The following FUT8 variants were observed in gnomAD, a reference collection of about 807,000 sequenced individuals.
The protein encoded by FUT8 is alpha-(1,6)-fucosyltransferase.
FUT8 carries 29 observed loss-of-function variants against 71.3 expected under a neutral mutation model. The observed-to-expected ratio is 0.41, with a 90% CI of 0.30 to 0.55. FUT8 has a LOEUF of 0.55. Among genes scored for constraint, FUT8 ranks in the 20% least tolerant of loss-of-function variants. The pLI is 0.34. For missense variants in FUT8, 544 were observed against 702.1 expected (o/e 0.77, Z 2.55); for synonymous variants, 254 against 239.3 (o/e 1.06, Z -0.57).
intron 7 of FUT8, among the ~76,000 whole-genome samples, chr14:65,713,105 G>T (rs1368215921): frequency 6.6e-6 from 1 of 152,062 alleles, no homozygotes; most frequent in Non-Finnish European, 1.5e-5. Flanking sequence ...CTATCTCCAA[G>T]ATTTCAATTG....
intron 2 of FUT8, among the ~76,000 whole-genome samples, chr14:65,501,045 C>T (rs188544644): frequency 2.6e-5 from 4 of 152,094 alleles, no homozygotes; most frequent in African/African-American, 7.2e-5. Context: ...TTGGGAAGAC[C>T]GTTTTCCAAA....
At position 65,689,039 on chromosome 14, in the gene FUT8, G is replaced by A. The variant is rs529067915; in HGVS notation, c.835+19559G>A. 2.6e-5 allele frequency among the ~76,000 whole-genome samples: 4 copies of A among 152,258 alleles called. No individual in the cohort carries two copies. In the East Asian group the frequency reaches 7.7e-4, roughly 29 times the overall value. On this transcript the variant is annotated intron_variant, in intron 7 of 10. Coordinates refer to ENST00000673929, the MANE Select transcript of FUT8 (RefSeq NM_001371533.1). ...CCTCATACCATCACACTGGAAGTTA[G>A]GACTTCAACATATGAATTTGAGGGG... is the stretch of plus-strand genomic sequence containing the variant.
At chr14:65,737,617 G>T (rs1437217970) in intron 10 of FUT8, among the ~76,000 whole-genome samples, 2 of 152,044 alleles carry the variant, frequency 1.3e-5, no homozygotes, top group African/African-American at 4.8e-5. Context: ...TTGCTTATCA[G>T]GTTCTGGGAT....
intron 2 of FUT8, among the ~76,000 whole-genome samples, chr14:65,540,630 G>T (rs1430700410): frequency 6.6e-6 from 1 of 152,156 alleles, no homozygotes; most frequent in Non-Finnish European, 1.5e-5. Flanking sequence ...TCTCAATATT[G>T]CTTAAGCTAT....
chr14:65,716,741 G>A (rs1030242775), intron 7 of FUT8, among the ~76,000 whole-genome samples: 1 of 152,112 alleles, frequency 6.6e-6, no homozygotes, highest in Non-Finnish European at 1.5e-5. Context: ...GATGGTCGCT[G>A]TCTCTTTGGA....
In FUT8 at chr14:65,665,660, T is replaced by C. The variant is rs1892178223; in HGVS notation, c.598-3583T>C. ...ATGTTCATTGCAGCACTATTCACGG[T>C]AGCAAAGACATGGAATCAACCTAAA... is the stretch of plus-strand genomic sequence containing the variant. On this transcript the variant is annotated intron_variant, in intron 6 of 10. Coordinates refer to ENST00000673929, the MANE Select transcript of FUT8 (RefSeq NM_001371533.1). Among the ~76,000 whole-genome samples, 4 of 152,120 alleles carry C rather than the reference T, an allele frequency of 2.6e-5. No individual in the cohort carries two copies. The South Asian group carries it at 8.3e-4, about 31-fold the overall frequency.
At chr14:65,422,520 T>C (rs1327029459) in intron 1 of FUT8, among the ~76,000 whole-genome samples, 1 of 151,926 alleles carries the variant, frequency 6.6e-6, no homozygotes, top group African/African-American at 2.4e-5. Flanking sequence ...TTTTAAGAGA[T>C]AGGGTCTTGC....
the FUT8 span, among the ~76,000 whole-genome samples, chr14:65,396,400 G>A: frequency 1.3e-5 from 2 of 152,216 alleles, no homozygotes; most frequent in Non-Finnish European, 2.9e-5. The surrounding 1 kb of genome is among the most constrained non-coding windows in gnomAD (Gnocchi z 5.5). Context: ...GGCTGGGGAG[G>A]CCTCACAATC....
upstream of FUT8, chr14:65,410,546 A>G (rs967313040): frequency 6.6e-6 from 1 of 151,196 alleles, no homozygotes; most frequent in Non-Finnish European, 1.5e-5. Context: ...CAAATGCACC[A>G]AATCCTGGGC....
intron 1 of FUT8, among the ~76,000 whole-genome samples, chr14:65,422,503 C>CT (rs898962182): frequency 1.6e-3 from 234 of 148,246 alleles, no homozygotes; most frequent in African/African-American, 5.1e-3. Context: ...CTCCATATTT[C>CT]TTTTTTTTTT....
At chr14:65,689,477 T>C (rs1004601357) in intron 7 of FUT8, among the ~76,000 whole-genome samples, 4 of 152,220 alleles carry the variant, frequency 2.6e-5, no homozygotes, top group African/African-American at 9.6e-5. Flanking sequence ...TTCTTTCATC[T>C]GTGGGTTTTC....
intron 2 of FUT8, among the ~76,000 whole-genome samples, chr14:65,456,286 T>C (rs994141775): frequency 3.3e-5 from 5 of 152,234 alleles, no homozygotes; most frequent in Non-Finnish European, 5.9e-5. Context: ...ATCTGCTTTC[T>C]ATCCCTGTAA....
At chr14:65,544,951 CTCT>C (rs1258717238) in intron 2 of FUT8, among the ~76,000 whole-genome samples, 3 of 151,446 alleles carry the variant, frequency 2.0e-5, no homozygotes, top group African/African-American at 2.4e-5. Context: ...CTGTCTTACC[CTCT>C]TCTTCTCTCT....
At chr14:65,513,873 T>A (rs560177725) in intron 2 of FUT8, among the ~76,000 whole-genome samples, 1 of 152,340 alleles carries the variant, frequency 6.6e-6, no homozygotes, top group South Asian at 2.1e-4. Context: ...TCATGTAATA[T>A]GAATTGTTTG....
chr14:65,559,277 C>T (rs970513895), intron 2 of FUT8, among the ~76,000 whole-genome samples: 2 of 152,022 alleles, frequency 1.3e-5, no homozygotes, highest in African/African-American at 4.8e-5. Context: ...ATATAGTTTA[C>T]CCTCTGTAGC....
chr14:65,654,838 A>G (rs1891588098), intron 6 of FUT8, among the ~76,000 whole-genome samples: 1 of 152,038 alleles, frequency 6.6e-6, no homozygotes, highest in African/African-American at 2.4e-5. Flanking sequence ...AATGATCTAA[A>G]CATACCAGTT....
At chr14:65,514,988 T>C (rs1463679233) in intron 2 of FUT8, among the ~76,000 whole-genome samples, 1 of 152,212 alleles carries the variant, frequency 6.6e-6, no homozygotes, top group Non-Finnish European at 1.5e-5. Flanking sequence ...ATTAGTAATA[T>C]TTGGATTTCA....
At chr14:65,711,230 C>T (rs1223656450) in intron 7 of FUT8, among the ~76,000 whole-genome samples, 1 of 152,172 alleles carries the variant, frequency 6.6e-6, no homozygotes, top group East Asian at 1.9e-4. Flanking sequence ...ACTGAGTTCT[C>T]TGTCTTAAAT....
chr14:65,382,406 G>A, the FUT8 span, among the ~76,000 whole-genome samples: 3 of 152,176 alleles, frequency 2.0e-5, no homozygotes, highest in East Asian at 1.9e-4. Flanking sequence ...GCGTGATCTC[G>A]GCTCACTGAA....
Sources: allele counts gnomAD v4.1 joint callset (sites outside exome capture counted in the v4.1 genomes callset), GRCh38; gene constraint gnomAD v4.1.1; non-coding constraint Gnocchi (gnomAD v3.1); transcripts MANE v1.5; gene names NCBI Gene and HGNC (gene_info 2026-07-23, HGNC 2026-07-21).